CFAP206: variants seen among roughly 807,000 people sequenced by gnomAD.
CFAP206 encodes the protein cilia- and flagella-associated protein 206.
In CFAP206, 53 loss-of-function variants were observed where a neutral mutation model predicts 65.4. The observed-to-expected ratio is 0.81, with a 90% CI of 0.65 to 1.02. The LOEUF (loss-of-function observed/expected upper bound fraction) is 1.02, where lower values mean the gene tolerates loss of function less well. Among genes scored for constraint, CFAP206 ranks in the 50% least tolerant of loss-of-function variants. CFAP206 has a pLI of 0.00. For synonymous variants in CFAP206, 250 were observed against 254.4 expected (o/e 0.98, Z 0.17); for missense variants, 663 against 753.2 (o/e 0.88, Z 1.40).
At chr6:87,440,130 A>T (rs770365937) in intron 11 of CFAP206, among the ~76,000 whole-genome samples, 42 of 152,190 alleles carry the variant, frequency 2.8e-4, no homozygotes, top group Admixed American at 6.5e-4. Flanking sequence ...TATCCAAAGC[A>T]TCAATGTAGT....
At chr6:87,423,435 A>G (rs141336743) in intron 7 of CFAP206, among the ~76,000 whole-genome samples, 3,363 of 150,470 alleles carry the variant, frequency 0.022, 63 homozygotes, top group Non-Finnish European at 0.035. Flanking sequence ...CTCTTAGTAG[A>G]GATGGGGTTT....
At chr6:87,411,374 A>T (rs1053653713) in intron 3 of CFAP206, among the ~76,000 whole-genome samples, 4 of 152,082 alleles carry the variant, frequency 2.6e-5, no homozygotes, top group Admixed American at 2.0e-4. Context: ...CCACTTTATA[A>T]TGGGGTTATT....
At chr6:87,413,053 A>T (rs1307638682) in intron 3 of CFAP206, among the ~76,000 whole-genome samples, 2 of 152,226 alleles carry the variant, frequency 1.3e-5, no homozygotes, top group East Asian at 3.8e-4. Context: ...CTGGAATATA[A>T]GCTTTGTGGA....
chr6:87,412,460 G>C (rs1312937842), intron 3 of CFAP206, among the ~76,000 whole-genome samples: 1 of 152,004 alleles, frequency 6.6e-6, no homozygotes, highest in Non-Finnish European at 1.5e-5. Flanking sequence ...GTGACCAGTA[G>C]AGATGAGAGA....
chr6:87,431,922 G>A (rs1768166068), intron 10 of CFAP206, among the ~76,000 whole-genome samples: 1 of 152,092 alleles, frequency 6.6e-6, no homozygotes, highest in Non-Finnish European at 1.5e-5. Context: ...TCTGTTAGAC[G>A]CCTATAAGGA....
chr6:87,457,102 A>G lies in CFAP206; in HGVS notation c.1495-3920A>G, dbSNP rs183744072. ...GAGGCGGAGCTTGCAGTGAGCTGAG[A>G]TTGTGCCACTGCACTCCAGCCTGGG... On this transcript the variant is annotated intron_variant, in intron 11 of 12. Coordinates refer to ENST00000369562, the MANE Select transcript of CFAP206 (RefSeq NM_001031743.3). Among the ~76,000 whole-genome samples the G allele has an allele frequency of 1.0e-4, 15 of 143,412 alleles. No homozygotes were observed. In the East Asian group the frequency reaches 2.9e-3, roughly 28 times the overall value. 94.1% of individuals were successfully genotyped at this position (143,412 alleles called of 152,430 possible).
At chr6:87,439,775 G>A (rs1483034632) in intron 11 of CFAP206, among the ~76,000 whole-genome samples, 1 of 151,840 alleles carries the variant, frequency 6.6e-6, no homozygotes, top group Non-Finnish European at 1.5e-5. Flanking sequence ...AATTGTCGTA[G>A]ACCATTTGTT....
At chr6:87,408,946 T>C (rs1469631463) in intron 1 of CFAP206, among the ~76,000 whole-genome samples, 4 of 152,202 alleles carry the variant, frequency 2.6e-5, no homozygotes, top group East Asian at 3.8e-4. Flanking sequence ...CCAACTTCCA[T>C]TGTGCTTAGT....
At chr6:87,430,097 C>CA in intron 9 of CFAP206, among the ~76,000 whole-genome samples, 1 of 152,294 alleles carries the variant, frequency 6.6e-6, no homozygotes, top group East Asian at 1.9e-4. Context: ...ATTACCACTC[C>CA]ATTGAATTGG....
rs1768132185 is a variant in CFAP206, at chr6:87,430,183, T to A, written c.1160-850T>A. ...TCATTGTTAGAGGCTTTCAGGCATA[T>A]CAGGAAAAAAGAGAGAGGATTTATT... On this transcript the variant is annotated intron_variant, in intron 9 of 12. Transcript: ENST00000369562. Among the ~76,000 whole-genome samples the A allele has an allele frequency of 2.0e-5, 3 of 152,166 alleles. No individual in the cohort carries two copies. The South Asian group carries it at 6.2e-4, about 31-fold the overall frequency.
At chr6:87,461,223 A>T in intron 12 of CFAP206, 58 bp downstream of exon 12, 3 of 1,192,064 alleles carry the variant, frequency 2.5e-6, no homozygotes, top group Non-Finnish European at 3.4e-6. Flanking sequence ...ATCTATTGTT[A>T]CTCATAGAGT....
At chr6:87,434,124 A>G (rs1768209927) in intron 10 of CFAP206, among the ~76,000 whole-genome samples, 1 of 151,004 alleles carries the variant, frequency 6.6e-6, no homozygotes, top group Non-Finnish European at 1.5e-5. Flanking sequence ...TGGAAGGGCC[A>G]GGAACAGTGG....
Position 87,413,841 on chromosome 6 carries a change from A to C in CFAP206, c.224A>C (p.Asn75Thr). The C allele has an allele frequency of 1.3e-6, 2 of 1,573,338 alleles. No homozygotes were observed. Among genetic ancestry groups the C allele is most frequent in the Non-Finnish European group, 1.7e-6 (2 of 1,165,440 alleles). The change falls in exon 4 of 13, where the codon AAT becomes ACT. Residue 75 changes from asparagine to threonine, a missense_variant. By Grantham distance (65) the Asn-to-Thr change is moderately conservative (BLOSUM62 0). Coordinates refer to ENST00000369562, the MANE Select transcript of CFAP206 (RefSeq NM_001031743.3). Reference sequence around the variant, plus strand: ...ATGACTCGGCTATTGGATACTAAAAATCCATCCCTGGACACTATTAAGATG... The same window carrying C: ...ATGACTCGGCTATTGGATACTAAAACTCCATCCCTGGACACTATTAAGATG... ...LCMTRLLDTKNPSLDTIKMQV... is the reference protein window; with the variant it reads ...LCMTRLLDTKTPSLDTIKMQV...
intron 3 of CFAP206, among the ~76,000 whole-genome samples, chr6:87,411,382 A>G (rs1767733366): frequency 6.6e-6 from 1 of 151,992 alleles, no homozygotes; most frequent in Non-Finnish European, 1.5e-5. Flanking sequence ...TAATGGGGTT[A>G]TTTGTTGTTG....
At chr6:87,446,506 A>G (rs1768443733) in intron 11 of CFAP206, among the ~76,000 whole-genome samples, 2 of 152,146 alleles carry the variant, frequency 1.3e-5, no homozygotes, top group South Asian at 4.1e-4. Flanking sequence ...ATATGGTTGT[A>G]GGTGTGCAGT....
Position 87,425,129 on chromosome 6 carries a change from T to G in CFAP206, c.841-1397T>G, listed in dbSNP as rs1041311245. Among the ~76,000 whole-genome samples, 51 of 152,238 alleles carry G rather than the reference T, an allele frequency of 3.4e-4. 1 individual carries two copies. Among genetic ancestry groups the G allele is most frequent in the African/African-American group, 1.1e-3 (44 of 41,478 alleles). Reference sequence around the variant, plus strand: ...TCCTAAAACTTAACAGATAGTATTTTATAAGCCTCAGAAGGTTTTAAATCA... The same window carrying G: ...TCCTAAAACTTAACAGATAGTATTTGATAAGCCTCAGAAGGTTTTAAATCA... On this transcript the variant is annotated intron_variant, in intron 7 of 12. Transcript: ENST00000369562.
intron 8 of CFAP206, among the ~76,000 whole-genome samples, chr6:87,427,819 G>T (rs1768073853): frequency 6.6e-6 from 1 of 151,870 alleles, no homozygotes; most frequent in Non-Finnish European, 1.5e-5. Context: ...ACAAAAAATG[G>T]TCTTCAGTGA....
intron 7 of CFAP206, chr6:87,425,734 A>T (rs1436444683): frequency 6.6e-6 from 1 of 152,236 alleles, no homozygotes; most frequent in African/African-American, 2.4e-5. Context: ...TATAGAAAAT[A>T]TACAGTTAAT....
At position 87,431,019 on chromosome 6, in the gene CFAP206, C is replaced by A; in HGVS notation, c.1160-14C>A. On this transcript the variant is annotated splice_polypyrimidine_tract_variant and intron_variant, in intron 9 of 12. Transcript: ENST00000369562. ...TCACTGAATTAAAGCTTTTCTTCTT[C>A]TCCTTCATTTTAGAAGATAGAGTAA... 1 of 1,610,850 alleles carries A rather than the reference C, an allele frequency of 6.2e-7. No homozygotes were observed. Among genetic ancestry groups the A allele is most frequent in the Non-Finnish European group, 8.5e-7 (1 of 1,178,538 alleles).
Sources: gnomAD v4.1 joint callset for allele counts (sites outside exome capture counted in the v4.1 genomes callset) on GRCh38, gnomAD v4.1.1 for gene constraint, MANE v1.5 for transcripts, NCBI Gene and HGNC (gene_info 2026-07-23, HGNC 2026-07-21) for gene names.